The following ZNF839 variants were observed in gnomAD, a reference collection of about 807,000 sequenced individuals.
ZNF839 encodes the protein renal carcinoma antigen NY-REN-50.
Under a neutral mutation model 56.4 loss-of-function variants are expected in ZNF839, and 38 were observed. The ratio of observed to expected loss-of-function variants is 0.67; its 90% CI spans 0.52 to 0.88. The LOEUF (loss-of-function observed/expected upper bound fraction) is 0.88, where lower values mean the gene tolerates loss of function less well. Ranked by LOEUF, ZNF839 falls within the 40% of genes least tolerant of loss-of-function variation. ZNF839 has a pLI of 0.00. For missense variants in ZNF839, 1,091 were observed against 1,177.6 expected (o/e 0.93, Z 1.08); for synonymous variants, 486 against 493.5 (o/e 0.98, Z 0.20).
chr14:102,319,971 T>G lies in ZNF839; in HGVS notation c.206T>G (p.Leu69Arg). 8.6e-7 allele frequency: 1 copy of G among 1,167,176 alleles called. No homozygotes were observed. The highest frequency in any genetic ancestry group is 1.1e-6 in the Non-Finnish European group (1 of 951,060). 72.3% of individuals were successfully genotyped at this position (1,167,176 alleles called of 1,614,324 possible). ...PFVLRDAARRLRDAAQQAALQ... is the reference protein window; with the variant it reads ...PFVLRDAARRRRDAAQQAALQ... ...GTGCTGCGGGACGCGGCGCGGCGGCTGCGGGACGCGGCCCAACAGGCCGCC... is the reference window on the plus strand; with the variant it reads ...GTGCTGCGGGACGCGGCGCGGCGGCGGCGGGACGCGGCCCAACAGGCCGCC... The change falls in exon 1 of 8, where the codon CTG becomes CGG. Residue 69 changes from leucine (L) to arginine (R), a missense_variant. Coordinates refer to ENST00000442396, the MANE Select transcript of ZNF839 (RefSeq NM_018335.6). The surrounding 1 kb of genome is among the most constrained non-coding windows in gnomAD (Gnocchi z 4.5).
At position 102,332,670 on chromosome 14, in the gene ZNF839, G is replaced by A. The variant is rs1393822590; in HGVS notation, c.1416+824G>A. On this transcript the variant is annotated intron_variant, in intron 3 of 7. Transcript: ENST00000442396. This position sits in a 1 kb window ranked among gnomAD's most constrained non-coding sequence, Gnocchi z 4.9. ...CACACCTGTAATCCCAGCACTTTGG[G>A]AGGCCGAGGTGGGCGGATCACCTGA... Among the ~76,000 whole-genome samples, 1 of 151,894 alleles carries A rather than the reference G, an allele frequency of 6.6e-6. No homozygotes were observed. Among genetic ancestry groups the A allele is most frequent in the Non-Finnish European group, 1.5e-5 (1 of 67,980 alleles).
intron 1 of ZNF839, among the ~76,000 whole-genome samples, chr14:102,325,206 A>T (rs2073346574): frequency 6.6e-6 from 1 of 151,792 alleles, no homozygotes; most frequent in African/African-American, 2.4e-5. Flanking sequence ...AAATACAAAA[A>T]TTAGCTGGGT....
chr14:102,319,748 G>C lies in ZNF839; in HGVS notation c.-18G>C. On this transcript the variant is annotated 5_prime_UTR_variant, in exon 1 of 8. Transcript: ENST00000442396. This position sits in a 1 kb window ranked among gnomAD's most constrained non-coding sequence, Gnocchi z 4.5. ...CCGTCGCTCAGCGACCCGGGTTCGA[G>C]TCCCCGCCTCGGCCGCCATGGCGGA... is the stretch of plus-strand genomic sequence containing the variant. 8.1e-7 allele frequency: 1 copy of C among 1,228,760 alleles called. No individual in the cohort carries two copies. Among genetic ancestry groups the C allele is most frequent in the Non-Finnish European group, 1.0e-6 (1 of 985,738 alleles). 76.1% of individuals were successfully genotyped at this position (1,228,760 alleles called of 1,614,324 possible). A position where few individuals can be genotyped will look rare whatever the true frequency, so the allele number is the denominator to read the frequency against.
chr14:102,319,885 G>A lies in ZNF839; in HGVS notation c.120G>A (p.Gln40=). ...VARVAPLGPE[Q]LRQVLEQVTK... ...GTGTGGCCCCGCTGGGCCCCGAGCA[G>A]CTGCGGCAGGTCCTGGAGCAGGTGA... The change falls in exon 1 of 8, where the codon CAG becomes CAA. Residue 40 remains glutamine, a synonymous_variant. Transcript: ENST00000442396. The surrounding 1 kb of genome is among the most constrained non-coding windows in gnomAD (Gnocchi z 4.5). 7.7e-7 allele frequency: 1 copy of A among 1,298,582 alleles called. No homozygotes were observed. The highest frequency in any genetic ancestry group is 9.8e-7 in the Non-Finnish European group (1 of 1,019,644). 80.4% of individuals were successfully genotyped at this position (1,298,582 alleles called of 1,614,324 possible). A position where few individuals can be genotyped will look rare whatever the true frequency, so the allele number is the denominator to read the frequency against.
intron 5 of ZNF839, among the ~76,000 whole-genome samples, chr14:102,337,967 G>A (rs560519780): frequency 1.3e-5 from 2 of 152,314 alleles, no homozygotes; most frequent in Non-Finnish European, 2.9e-5. Context: ...GTCTGGATAA[G>A]TCAGGGAGAT....
chr14:102,334,305 G>A (rs915785942), intron 3 of ZNF839, among the ~76,000 whole-genome samples: 2 of 152,234 alleles, frequency 1.3e-5, no homozygotes, highest in Non-Finnish European at 2.9e-5. Context: ...CCTTATCACC[G>A]TGTCCTTATT....
chr14:102,327,025 T>C, intron 2 of ZNF839, 138 bp downstream of exon 2: 1 of 1,066,584 alleles, frequency 9.4e-7, no homozygotes, highest in Non-Finnish European at 1.3e-6. Context: ...AGCATGGTGC[T>C]GGCATCTGTT....
intron 3 of ZNF839, among the ~76,000 whole-genome samples, chr14:102,333,444 T>G (rs556609000): frequency 1.3e-5 from 2 of 152,030 alleles, no homozygotes; most frequent in East Asian, 3.9e-4. Flanking sequence ...TTAATTTTTT[T>G]TAGAGACAGG....
rs367718180 is a variant in ZNF839, at chr14:102,341,981, C to T, written c.2586C>T (p.Ser862=). 125 of 1,613,974 alleles carry T rather than the reference C, an allele frequency of 7.7e-5. No homozygotes were observed. The Middle Eastern group carries it at 8.2e-4, about 11-fold the overall frequency. ...ACTCTGGCCAGAGAGAACTGGAGAG[C>T]GTGGTTGCTGTCGGCGAAGCCATGG... ...EVHSGQRELE[S]VVAVGEAMAF... Residue 862 remains serine (S), a synonymous_variant, in exon 8 of 8, where the codon AGC becomes AGT. Coordinates refer to ENST00000442396, the MANE Select transcript of ZNF839 (RefSeq NM_018335.6).
rs768878756 is a variant in ZNF839 at position 102,339,163 on chromosome 14, T to C, written c.1867T>C (p.Ser623Pro). 2.5e-6 allele frequency: 4 copies of C among 1,613,186 alleles called. 1 individual carries two copies. In the South Asian group the frequency reaches 4.4e-5, roughly 18 times the overall value. ...AGCCCTGTCCAACGATACCACTGAA[T>C]CTCTTGCTGCCAACAGCAGAGGCCG... ...REALSNDTTE[S>P]LAANSRGREK... Residue 623 changes from serine (S) to proline (P), a missense_variant, in exon 7 of 8, where the codon TCT (serine) becomes CCT (proline). Transcript: ENST00000442396.
chr14:102,339,127 C>G lies in ZNF839; in HGVS notation c.1831C>G (p.Pro611Ala). 6.2e-7 allele frequency: 1 copy of G among 1,613,548 alleles called. No individual in the cohort carries two copies. Among genetic ancestry groups the G allele is most frequent in the Non-Finnish European group, 8.5e-7 (1 of 1,179,686 alleles). Residue 611 changes from proline (P) to alanine (A), a missense_variant, in exon 7 of 8, where the codon CCC (proline) becomes GCC (alanine). By Grantham distance (27) the Pro-to-Ala change is conservative. Transcript: ENST00000442396. Reference protein sequence around the residue: ...AEEGLASVKRPRREALSNDTT... With the variant: ...AEEGLASVKRARREALSNDTT... ...GGAGGGACTGGCCTCAGTGAAAAGG[C>G]CCAGAAGAGAAGCCCTGTCCAACGA...
intron 1 of ZNF839, among the ~76,000 whole-genome samples, chr14:102,321,285 C>T (rs961039121): frequency 3.3e-5 from 5 of 152,230 alleles, no homozygotes; most frequent in African/African-American, 1.2e-4. Context: ...GTTTTTGTAC[C>T]GGCATTTTGC....
chr14:102,319,734 C>G (rs1311735434), upstream of ZNF839: 31 of 1,227,166 alleles, frequency 2.5e-5, no homozygotes, highest in East Asian at 3.2e-5. This position sits in a 1 kb window ranked among gnomAD's most constrained non-coding sequence, Gnocchi z 4.5. Context: ...CGTCGCTCAG[C>G]GACCCGGGTT....
intron 2 of ZNF839, 84 bp from the exon 3 acceptor site, chr14:102,331,538 C>A: frequency 8.1e-7 from 1 of 1,239,304 alleles, no homozygotes; most frequent in Non-Finnish European, 1.1e-6. Flanking sequence ...GTGTGAGCCA[C>A]GGCGCCCGGC....
In ZNF839 at chr14:102,341,478, C is replaced by T. The variant is rs1470390505; in HGVS notation, c.2083C>T (p.Leu695Phe). 26 of 1,597,730 alleles carry T rather than the reference C, an allele frequency of 1.6e-5. No individual in the cohort carries two copies. The highest frequency in any genetic ancestry group is 2.1e-5 in the Non-Finnish European group (25 of 1,170,570). Residue 695 changes from leucine (L) to phenylalanine (F), a missense_variant, in exon 8 of 8, where the codon CTC (leucine) becomes TTC (phenylalanine). Physicochemically the swap from Leu to Phe is conservative, Grantham distance 22. Coordinates refer to ENST00000442396, the MANE Select transcript of ZNF839 (RefSeq NM_018335.6). ...EARRGSIGAA[L>F]SSRDVSGLPV... The stretch of plus-strand genomic sequence containing the variant: ...CAGGAGGGGGTCTATAGGTGCTGCT[C>T]TCTCATCCCGGGATGTCAGTGGGCT...
chr14:102,326,958 A>T lies in ZNF839; in HGVS notation c.1191+71A>T. On this transcript the variant is annotated intron_variant, in intron 2 of 7. Coordinates refer to ENST00000442396, the MANE Select transcript of ZNF839 (RefSeq NM_018335.6). The surrounding 1 kb of genome is among the most constrained non-coding windows in gnomAD (Gnocchi z 4.3). ...GGATTGCTATAAAGAAATACCTGAG[A>T]CCAGGTATTTTATAAAGAAAAGAGG... 4.3e-6 allele frequency: 6 copies of T among 1,393,170 alleles called. No homozygotes were observed. Among genetic ancestry groups the T allele is most frequent in the African/African-American group, 2.9e-5 (2 of 68,952 alleles). The allele number at this position is 1,393,170 out of a possible 1,614,324, so 86.3% of individuals were successfully genotyped here. A position where few individuals can be genotyped will look rare whatever the true frequency, so the allele number is the denominator to read the frequency against.
At chr14:102,329,463 C>T (rs2073656806) in intron 2 of ZNF839, among the ~76,000 whole-genome samples, 2 of 152,040 alleles carry the variant, frequency 1.3e-5, no homozygotes, top group Admixed American at 6.6e-5. Flanking sequence ...CAGCTCACTG[C>T]AACCTCTGCC....
chr14:102,319,537 C>T, upstream of ZNF839: 1 of 433,554 alleles, frequency 2.3e-6, no homozygotes, highest in Non-Finnish European at 3.7e-6. This position sits in a 1 kb window ranked among gnomAD's most constrained non-coding sequence, Gnocchi z 4.5. Flanking sequence ...TAAACACATC[C>T]GTGACAGGCA....
chr14:102,328,896 T>C (rs918663298), intron 2 of ZNF839, among the ~76,000 whole-genome samples: 2 of 152,158 alleles, frequency 1.3e-5, no homozygotes, highest in African/African-American at 4.8e-5. Flanking sequence ...CTTGGGTTGC[T>C]TTCACCTTCT....
Sources: allele counts gnomAD v4.1 joint callset (sites outside exome capture counted in the v4.1 genomes callset), GRCh38; gene constraint gnomAD v4.1.1; non-coding constraint Gnocchi (gnomAD v3.1); transcripts MANE v1.5; gene names NCBI Gene and HGNC (gene_info 2026-07-23, HGNC 2026-07-21).